Variants in CEP70 observed in about 807,000 individuals in gnomAD.
CEP70 encodes centrosomal protein of 70 kDa.
CEP70 carries 70 observed loss-of-function variants against 90.9 expected under a neutral mutation model. That is an observed-to-expected ratio of 0.77 (90% confidence interval 0.64 to 0.94). The LOEUF is 0.94. Among genes scored for constraint, CEP70 ranks in the 40% least tolerant of loss-of-function variants. The pLI is 0.00. For synonymous variants in CEP70, 220 were observed against 228.3 expected, an observed-to-expected ratio of 0.96 and a Z score of 0.33; for missense variants, 648 against 669.0, an observed-to-expected ratio of 0.97 and a Z score of 0.35.
intron 11 of CEP70, among the ~76,000 whole-genome samples, chr3:138,523,024 C>A (rs1037277574): frequency 2.0e-5 from 3 of 152,150 alleles, no homozygotes; most frequent in African/African-American, 7.2e-5. Flanking sequence ...AGCTTATCCA[C>A]CATAGTCAAG....
chr3:138,512,704 T>G (rs772861310), intron 11 of CEP70, among the ~76,000 whole-genome samples: 2 of 152,194 alleles, frequency 1.3e-5, no homozygotes, highest in Admixed American at 6.5e-5. Context: ...GTTTTATCTA[T>G]TTTGTATAGC....
At chr3:138,584,838 A>G (rs1345145075) in intron 2 of CEP70, among the ~76,000 whole-genome samples, 1 of 152,188 alleles carries the variant, frequency 6.6e-6, no homozygotes, top group Non-Finnish European at 1.5e-5. Context: ...ACCCACAGGC[A>G]GTATCACACT....
chr3:138,524,608 T>G (rs1187687716), intron 11 of CEP70, among the ~76,000 whole-genome samples: 1 of 150,638 alleles, frequency 6.6e-6, no homozygotes, highest in African/African-American at 2.4e-5. Flanking sequence ...GCAAAGGATA[T>G]GAACAGACAC....
chr3:138,547,408 A>G (rs1228616139), intron 6 of CEP70, among the ~76,000 whole-genome samples: 1 of 152,194 alleles, frequency 6.6e-6, no homozygotes, highest in Non-Finnish European at 1.5e-5. Flanking sequence ...TTCCATCTTA[A>G]CTGTGCACTA....
At chr3:138,510,242 CCT>C (rs2035395714) in intron 11 of CEP70, among the ~76,000 whole-genome samples, 1 of 148,868 alleles carries the variant, frequency 6.7e-6, no homozygotes, top group Non-Finnish European at 1.5e-5. Flanking sequence ...GGTGAAACTC[CCT>C]GTCTACTAAA....
At chr3:138,524,903 C>G (rs1039715211) in intron 11 of CEP70, among the ~76,000 whole-genome samples, 11 of 152,188 alleles carry the variant, frequency 7.2e-5, no homozygotes, top group Non-Finnish European at 4.4e-5. Context: ...ACCCAGCCAT[C>G]CCATTACTGG....
chr3:138,528,352 G>A (rs1004449234), intron 10 of CEP70, among the ~76,000 whole-genome samples: 1 of 152,072 alleles, frequency 6.6e-6, no homozygotes, highest in Non-Finnish European at 1.5e-5. Flanking sequence ...CTTATTTGAA[G>A]TTCTTAGCTA....
At chr3:138,497,347 T>C in intron 17 of CEP70, 1 of 1,206,646 alleles carries the variant, frequency 8.3e-7, no homozygotes, top group South Asian at 1.4e-5. Context: ...AAAAAAAAAA[T>C]CTTTCAAATG....
intron 11 of CEP70, among the ~76,000 whole-genome samples, chr3:138,513,817 CTTAT>C (rs1262729831): frequency 6.6e-6 from 1 of 152,092 alleles, no homozygotes; most frequent in Non-Finnish European, 1.5e-5. Context: ...TAGGGACAGA[CTTAT>C]TTAATCACTT....
At chr3:138,574,502 C>T (rs1196407703) in intron 2 of CEP70, among the ~76,000 whole-genome samples, 1 of 152,232 alleles carries the variant, frequency 6.6e-6, no homozygotes, top group Non-Finnish European at 1.5e-5. Context: ...TAGACTCCAC[C>T]TCTGGGGGCA....
At chr3:138,565,836 A>C (rs1244960786) in intron 6 of CEP70, among the ~76,000 whole-genome samples, 2 of 152,208 alleles carry the variant, frequency 1.3e-5, no homozygotes, top group African/African-American at 4.8e-5. Flanking sequence ...GATCTAATTA[A>C]ACTAAAGAGC....
chr3:138,549,789 A>G (rs2039485376), intron 6 of CEP70, among the ~76,000 whole-genome samples: 1 of 152,100 alleles, frequency 6.6e-6, no homozygotes. Flanking sequence ...AACCAAAACT[A>G]AAAATCCTCA....
rs2041154709 is a variant in CEP70, at chr3:138,571,257, T to A, written c.160+9A>T. 6.3e-7 allele frequency: 1 copy of A among 1,594,860 alleles called. No homozygotes were observed. Among genetic ancestry groups the A allele is most frequent in the Non-Finnish European group, 8.5e-7 (1 of 1,170,190 alleles). ...TTTACCTTAAGCATCAAGAATAGGA[T>A]CTAATTACCTTTGAGATCTGTTCTT... On this transcript the variant is annotated intron_variant, in intron 4 of 17. Transcript: ENST00000264982.
At chr3:138,571,417 A>G (rs1255087970) in intron 3 of CEP70, 61 bp from the exon 4 acceptor site, 2 of 1,140,208 alleles carry the variant, frequency 1.8e-6, no homozygotes, top group East Asian at 4.8e-5. Context: ...AAATTCTCTC[A>G]TATATAATTT....
chr3:138,569,557 A>T (rs1161763427), intron 6 of CEP70, among the ~76,000 whole-genome samples: 1 of 152,172 alleles, frequency 6.6e-6, no homozygotes, highest in East Asian at 1.9e-4. Context: ...AAAAGAACTC[A>T]GTTTTAGACA....
chr3:138,569,607 C>G (rs2108133161), intron 6 of CEP70, among the ~76,000 whole-genome samples: 1 of 152,308 alleles, frequency 6.6e-6, no homozygotes, highest in South Asian at 2.1e-4. Context: ...GTGCCCCACA[C>G]CTGTAATCCC....
At chr3:138,593,939 T>C (rs182873707) in intron 1 of CEP70, 1 of 152,354 alleles carries the variant, frequency 6.6e-6, no homozygotes, top group Admixed American at 6.5e-5. Context: ...AGCTTTAGTA[T>C]ACAAATAAAG....
At chr3:138,572,006 C>T (rs1294503173) in intron 3 of CEP70, among the ~76,000 whole-genome samples, 1 of 152,138 alleles carries the variant, frequency 6.6e-6, no homozygotes, top group East Asian at 1.9e-4. Flanking sequence ...TCTGGATCTC[C>T]TGACCTGGTG....
chr3:138,531,872 C>T (rs2037856856), intron 8 of CEP70, among the ~76,000 whole-genome samples: 1 of 151,910 alleles, frequency 6.6e-6, no homozygotes, highest in African/African-American at 2.4e-5. Flanking sequence ...ATTATGGGAT[C>T]CTAATTACTT....
Sources: allele counts gnomAD v4.1 joint callset (sites outside exome capture counted in the v4.1 genomes callset), GRCh38; gene constraint gnomAD v4.1.1; transcripts MANE v1.5; gene names NCBI Gene and HGNC (gene_info 2026-07-23, HGNC 2026-07-21).